CBFB: variants seen among roughly 807,000 people sequenced by gnomAD.
The protein encoded by CBFB is core-binding factor subunit beta, also known as CBF-beta.
CBFB carries 9 observed loss-of-function variants against 30.4 expected under a neutral mutation model. That is an observed-to-expected ratio of 0.30 (90% CI 0.18 to 0.52). The LOEUF is 0.52. Ranked by LOEUF, CBFB falls within the 20% of genes least tolerant of loss-of-function variation. CBFB has a pLI of 0.97. For missense variants in CBFB, 170 were observed against 244.0 expected (o/e 0.70, Z 2.02); for synonymous variants, 94 against 84.0 (o/e 1.12, Z -0.65).
At chr16:67,076,378 A>T (rs1234485336) in intron 4 of CBFB, among the ~76,000 whole-genome samples, 2 of 152,136 alleles carry the variant, frequency 1.3e-5, no homozygotes, top group African/African-American at 4.8e-5. Context: ...TGGGCAACAG[A>T]CTGCCTCAAA....
chr16:67,094,306 T>TA (rs1483333377), intron 5 of CBFB, among the ~76,000 whole-genome samples: 4 of 152,062 alleles, frequency 2.6e-5, no homozygotes, highest in Non-Finnish European at 4.4e-5. Flanking sequence ...TGTCTTTCCT[T>TA]ACATCTTCCT....
chr16:67,075,224 TG>T (rs2059271272), intron 4 of CBFB, among the ~76,000 whole-genome samples: 1 of 148,986 alleles, frequency 6.7e-6, no homozygotes, highest in South Asian at 2.1e-4. Flanking sequence ...TGTGTGTGTG[TG>T]TGTGTGTGTA....
At chr16:67,081,964 A>G (rs1194580103) in intron 4 of CBFB, 6 of 196,358 alleles carry the variant, frequency 3.1e-5, no homozygotes, top group Non-Finnish European at 5.2e-5. Context: ...GATTACAAAC[A>G]TGCGCCACAA....
intron 3 of CBFB, among the ~76,000 whole-genome samples, chr16:67,066,393 C>CAAAAAAAACAAAAAAAA (rs1961054835): frequency 1.0e-5 from 1 of 96,082 alleles, no homozygotes; most frequent in African/African-American, 5.7e-5. Context: ...ACTAAAAATA[C>CAAAAAAAACAAAAAAAA]AAAAAAAAAA....
intron 3 of CBFB, among the ~76,000 whole-genome samples, chr16:67,037,618 C>G (rs1383976955): frequency 1.3e-5 from 2 of 150,470 alleles, no homozygotes; most frequent in Non-Finnish European, 2.9e-5. Flanking sequence ...AATGTTTAAG[C>G]TGAGAGCCTT....
At chr16:67,097,414 A>G (rs986032366) in intron 5 of CBFB, among the ~76,000 whole-genome samples, 2 of 151,884 alleles carry the variant, frequency 1.3e-5, no homozygotes, top group African/African-American at 4.8e-5. Context: ...GCGTGGTGGC[A>G]CATGCCTGTA....
chr16:67,062,146 T>TA (rs1411891454), intron 3 of CBFB, among the ~76,000 whole-genome samples: 1 of 152,104 alleles, frequency 6.6e-6, no homozygotes, highest in Non-Finnish European at 1.5e-5. Context: ...AATGGGCTTT[T>TA]AAAAAATTTA....
At chr16:67,029,564 G>C (rs975112979) in intron 1 of CBFB, 79 bp downstream of exon 1, 2 of 1,436,732 alleles carry the variant, frequency 1.4e-6, no homozygotes, top group Non-Finnish European at 1.9e-6. Flanking sequence ...TGGGCGGCAC[G>C]GTCCCCGGGA....
intron 2 of CBFB, among the ~76,000 whole-genome samples, chr16:67,031,857 C>T (rs1966356400): frequency 6.6e-6 from 1 of 151,614 alleles, no homozygotes; most frequent in South Asian, 2.1e-4. Context: ...GCTGTGTGGC[C>T]TAGGCTGGGG....
chr16:67,077,145 C>T (rs8050312), intron 4 of CBFB, among the ~76,000 whole-genome samples: 37,167 of 152,088 alleles, frequency 0.24, 9,620 homozygotes, highest in African/African-American at 0.66. Context: ...GTATTACCAA[C>T]ATAAGCCAAT....
At position 67,054,964 on chromosome 16, in the gene CBFB, C is replaced by T. The variant is rs568468723; in HGVS notation, c.283-11718C>T. On this transcript the variant is annotated intron_variant, in intron 3 of 5. Transcript: ENST00000412916. ...TTTTTTTTTAGTAGAGACAGGGTTT[C>T]ACCAAGAGCTCTTTTTTGTGTGTGC... Among the ~76,000 whole-genome samples the T allele has an allele frequency of 9.7e-4, 145 of 149,880 alleles. 1 individual carries two copies. Among genetic ancestry groups the T allele is most frequent in the African/African-American group, 3.5e-3 (141 of 40,400 alleles).
At chr16:67,030,176 A>C in intron 2 of CBFB, 1 of 201,230 alleles carries the variant, frequency 5.0e-6, no homozygotes, top group Non-Finnish European at 9.8e-6. Context: ...GCTTCATTCA[A>C]GGTCGGCGAT....
chr16:67,036,128 A>G (rs558462605), intron 2 of CBFB, among the ~76,000 whole-genome samples: 15 of 152,200 alleles, frequency 9.9e-5, no homozygotes, highest in East Asian at 1.9e-4. Context: ...ATCCCATGCC[A>G]ATGTATGGTT....
chr16:67,035,952 G>A (rs1966434054), intron 2 of CBFB, among the ~76,000 whole-genome samples: 1 of 152,108 alleles, frequency 6.6e-6, no homozygotes, highest in Non-Finnish European at 1.5e-5. Flanking sequence ...TGTTGCATCT[G>A]TTGAGCTCTA....
chr16:67,074,212 A>C (rs1363943043), intron 4 of CBFB, among the ~76,000 whole-genome samples: 2 of 149,186 alleles, frequency 1.3e-5, no homozygotes, highest in Admixed American at 6.7e-5. Flanking sequence ...AAACAAAGAC[A>C]AAGGTGACAC....
rs751828841 is a variant in CBFB, at chr16:67,094,194, A to G, written c.496-4516A>G. Among the ~76,000 whole-genome samples the G allele has an allele frequency of 2.3e-4, 35 of 149,746 alleles. 1 individual carries two copies. Among genetic ancestry groups the G allele is most frequent in the Admixed American group, 1.2e-3 (18 of 14,972 alleles). ...GGGTGGTCTGGAACTCCAGGGCTCAATCAGTCCTTCCACCTAAGCCTCCAA... is the reference window on the plus strand; with the variant it reads ...GGGTGGTCTGGAACTCCAGGGCTCAGTCAGTCCTTCCACCTAAGCCTCCAA... On this transcript the variant is annotated intron_variant, in intron 5 of 5. Transcript: ENST00000412916.
chr16:67,065,326 G>A (rs982955737), intron 3 of CBFB, among the ~76,000 whole-genome samples: 2 of 152,166 alleles, frequency 1.3e-5, no homozygotes, highest in African/African-American at 2.4e-5. Flanking sequence ...AAAGTATAGT[G>A]AACATATTTA....
chr16:67,092,759 C>T (rs535172725), intron 5 of CBFB, among the ~76,000 whole-genome samples: 4 of 113,264 alleles, frequency 3.5e-5, no homozygotes, highest in African/African-American at 1.4e-4. Context: ...GCTGCCCAGG[C>T]TGGAGTGCAG....
intron 5 of CBFB, among the ~76,000 whole-genome samples, chr16:67,091,712 C>T (rs1961885172): frequency 6.6e-6 from 1 of 151,964 alleles, no homozygotes; most frequent in South Asian, 2.1e-4. Flanking sequence ...TGTCTGCTGA[C>T]TTTTTTTTAC....
Sources: gnomAD v4.1 joint callset for allele counts (sites outside exome capture counted in the v4.1 genomes callset) on GRCh38, gnomAD v4.1.1 for gene constraint, MANE v1.5 for transcripts, NCBI Gene and HGNC (gene_info 2026-07-23, HGNC 2026-07-21) for gene names.